The following ARHGEF28 variants were observed in gnomAD, a reference collection of about 807,000 sequenced individuals.
ARHGEF28 encodes the protein 190 kDa guanine nucleotide exchange factor.
ARHGEF28 carries 152 observed loss-of-function variants against 206.6 expected under a neutral mutation model. The ratio of observed to expected loss-of-function variants is 0.74; its 90% CI spans 0.64 to 0.84. The LOEUF (loss-of-function observed/expected upper bound fraction) is 0.84, where lower values mean the gene tolerates loss of function less well. ARHGEF28 is among the 40% of genes least tolerant of loss of function. The pLI is 0.00. For synonymous variants in ARHGEF28, 763 were observed against 776.4 expected, an observed-to-expected ratio of 0.98 and a Z score of 0.29; for missense variants, 2,028 against 2,073.2, an observed-to-expected ratio of 0.98 and a Z score of 0.42.
intron 2 of ARHGEF28, among the ~76,000 whole-genome samples, chr5:73,724,309 T>C (rs978892456): frequency 6.6e-6 from 1 of 152,200 alleles, no homozygotes; most frequent in Non-Finnish European, 1.5e-5. Flanking sequence ...CCTTAGGAAA[T>C]ATAGATACAT....
At position 73,894,375 on chromosome 5, in the gene ARHGEF28, G is replaced by C. The variant is rs79296554; in HGVS notation, c.3659-18G>C. On this transcript the variant is annotated intron_variant, in intron 28 of 35. Coordinates refer to ENST00000513042, the MANE Select transcript of ARHGEF28 (RefSeq NM_001177693.2). The stretch of plus-strand genomic sequence containing the variant: ...TTCATGTTAGTGATAATCTTCTATG[G>C]TAAATACTATTTCATAGAAATACTC... 0.011 allele frequency: 16,929 copies of C among 1,581,036 alleles called. 1,142 individuals carry two copies. In the African/African-American group the frequency reaches 0.17, roughly 16 times the overall value.
chr5:73,800,669 G>A (rs75982941), intron 9 of ARHGEF28, among the ~76,000 whole-genome samples: 3,166 of 152,152 alleles, frequency 0.021, 125 homozygotes, highest in African/African-American at 0.071. Flanking sequence ...GAAAAAACCC[G>A]TCTAGAGGCC....
At chr5:73,829,445 ATC>A (rs1467947445) in intron 9 of ARHGEF28, among the ~76,000 whole-genome samples, 2 of 152,108 alleles carry the variant, frequency 1.3e-5, no homozygotes, top group Admixed American at 1.3e-4. Flanking sequence ...CAGTGGCGCA[ATC>A]TCGGCTCACT....
intron 22 of ARHGEF28, among the ~76,000 whole-genome samples, chr5:73,879,723 G>A (rs1388998709): frequency 6.6e-6 from 1 of 152,180 alleles, no homozygotes; most frequent in East Asian, 1.9e-4. Flanking sequence ...ATCAGCAGCG[G>A]TGTCTGCAGA....
rs912922668 is a variant in ARHGEF28 at position 73,701,019 on chromosome 5, T to C, written c.33+16135T>C. On this transcript the variant is annotated intron_variant, in intron 2 of 35. Transcript: ENST00000513042. ...TTTTATTTTGAATTGTGACTTTTAT[T>C]GTTCTTTACATCTTTACTGAATTCT... is the stretch of plus-strand genomic sequence containing the variant. Among the ~76,000 whole-genome samples the C allele has an allele frequency of 2.0e-5, 3 of 152,330 alleles. No homozygotes were observed. In the South Asian group the frequency reaches 6.2e-4, roughly 32 times the overall value.
intron 7 of ARHGEF28, among the ~76,000 whole-genome samples, chr5:73,793,497 C>G (rs1212419247): frequency 6.6e-6 from 1 of 152,160 alleles, no homozygotes; most frequent in South Asian, 2.1e-4. Context: ...AGGTAATGAA[C>G]CTGCTGGAAA....
In ARHGEF28 at chr5:73,820,060, C is replaced by T. The variant is rs116723473; in HGVS notation, c.1025-12278C>T. ...CCAGCCCATTATCACATCTCCAGCA[C>T]TTGGATCCCAGAAAGTAGGCAGTGA... On this transcript the variant is annotated intron_variant, in intron 9 of 35. Coordinates refer to ENST00000513042, the MANE Select transcript of ARHGEF28 (RefSeq NM_001177693.2). Among the ~76,000 whole-genome samples the T allele has an allele frequency of 6.7e-3, 1,017 of 152,260 alleles. 13 individuals carry two copies. The highest frequency in any genetic ancestry group is 0.023 in the African/African-American group (957 of 41,556).
chr5:73,845,777 T>C (rs377445992), intron 11 of ARHGEF28, among the ~76,000 whole-genome samples: 1 of 151,866 alleles, frequency 6.6e-6, no homozygotes, highest in African/African-American at 2.4e-5. Context: ...GGTGGATCCA[T>C]TGAGCCCAGG....
chr5:73,912,709 C>A (rs1281296944), intron 35 of ARHGEF28, among the ~76,000 whole-genome samples: 2 of 152,096 alleles, frequency 1.3e-5, no homozygotes, highest in East Asian at 1.9e-4. Flanking sequence ...ATGATGGAAT[C>A]GTTCAGATTA....
In ARHGEF28 at chr5:73,852,699, T is replaced by C; in HGVS notation, c.1790+7T>C. ...AGCCACCAAGAGAAAACAGGTACTT[T>C]TAACTATTCCAATTTTCCTGAGGAA... On this transcript the variant is annotated splice_region_variant and intron_variant, in intron 14 of 35. Coordinates refer to ENST00000513042, the MANE Select transcript of ARHGEF28 (RefSeq NM_001177693.2). 1 of 1,613,422 alleles carries C rather than the reference T, an allele frequency of 6.2e-7. No homozygotes were observed.
intron 7 of ARHGEF28, among the ~76,000 whole-genome samples, chr5:73,785,602 A>G (rs888719085): frequency 1.3e-5 from 2 of 152,300 alleles, no homozygotes; most frequent in East Asian, 3.9e-4. Context: ...CCTGCCTGGC[A>G]TCTACTGGGC....
chr5:73,681,145 C>T (rs1747073281), intron 1 of ARHGEF28, among the ~76,000 whole-genome samples: 1 of 144,246 alleles, frequency 6.9e-6, no homozygotes, highest in South Asian at 2.2e-4. Context: ...GGATTATGTA[C>T]AAAAATACAT....
At chr5:73,752,866 TC>T (rs1350912620) in intron 3 of ARHGEF28, 42 bp from the exon 4 acceptor site, 35 of 1,607,970 alleles carry the variant, frequency 2.2e-5, no homozygotes, top group Non-Finnish European at 3.0e-5. Flanking sequence ...TGAGAGCATC[TC>T]CTACAGACTT....
At chr5:73,736,028 A>G (rs1750905977) in intron 2 of ARHGEF28, among the ~76,000 whole-genome samples, 1 of 152,228 alleles carries the variant, frequency 6.6e-6, no homozygotes. Context: ...GTGAAGAAAG[A>G]AAGGATAGGT....
intron 2 of ARHGEF28, among the ~76,000 whole-genome samples, chr5:73,689,224 A>G (rs1747664896): frequency 6.6e-6 from 1 of 152,210 alleles, no homozygotes; most frequent in South Asian, 2.1e-4. Flanking sequence ...CTTGTGCTGT[A>G]GAATTTTTTT....
chr5:73,653,829 C>G (rs1030835996), intron 1 of ARHGEF28, among the ~76,000 whole-genome samples: 1 of 152,218 alleles, frequency 6.6e-6, no homozygotes, highest in Non-Finnish European at 1.5e-5. Context: ...TCTGTTCCCC[C>G]CCGTCATGGC....
intron 27 of ARHGEF28, among the ~76,000 whole-genome samples, chr5:73,892,618 T>G (rs1561490806): frequency 6.6e-6 from 1 of 152,218 alleles, no homozygotes; most frequent in Non-Finnish European, 1.5e-5. Flanking sequence ...GTGTGTTTAT[T>G]TAATTAGATT....
At position 73,837,202 on chromosome 5, in the gene ARHGEF28, T is replaced by C. The variant is rs377392825; in HGVS notation, c.1147-3278T>C. 2.7e-3 allele frequency among the ~76,000 whole-genome samples: 418 copies of C among 152,216 alleles called. 6 individuals carry two copies. Among genetic ancestry groups the C allele is most frequent in the African/African-American group, 8.7e-3 (362 of 41,532 alleles). On this transcript the variant is annotated intron_variant, in intron 10 of 35. Transcript: ENST00000513042. The stretch of plus-strand genomic sequence containing the variant: ...TTTTTTTTCTATTTCTGTGAAAAAT[T>C]GCCATTATAATTTTGATAGAGATTA...
At chr5:73,897,404 C>T (rs982922369) in intron 29 of ARHGEF28, among the ~76,000 whole-genome samples, 3 of 152,176 alleles carry the variant, frequency 2.0e-5, no homozygotes, top group African/African-American at 7.2e-5. Context: ...ATCCTGTTTT[C>T]TCCTCCAGAG....
Sources: gnomAD v4.1 joint callset for allele counts (sites outside exome capture counted in the v4.1 genomes callset) on GRCh38, gnomAD v4.1.1 for gene constraint, MANE v1.5 for transcripts, NCBI Gene and HGNC (gene_info 2026-07-23, HGNC 2026-07-21) for gene names.